The following PTPRD variants were observed in gnomAD, a reference collection of about 807,000 sequenced individuals.
PTPRD encodes receptor-type tyrosine-protein phosphatase delta.
A neutral mutation model predicts 214.5 loss-of-function variants in PTPRD; 34 were observed. That is an observed-to-expected ratio of 0.16 (90% CI 0.12 to 0.21). PTPRD has a LOEUF of 0.21. Ranked by LOEUF, PTPRD falls within the 10% of genes least tolerant of loss-of-function variation. The pLI is 1.00. For missense variants in PTPRD, 2,545 were observed against 2,398.7 expected, an observed-to-expected ratio of 1.06 and a Z score of -1.27; for synonymous variants, 1,128 against 845.7, an observed-to-expected ratio of 1.33 and a Z score of -5.79.
At chr9:9,019,272 A>G (rs951619965) in intron 10 of PTPRD, among the ~76,000 whole-genome samples, 20 of 147,682 alleles carry the variant, frequency 1.4e-4, no homozygotes, top group African/African-American at 5.0e-4. Context: ...AGAAAGAAAG[A>G]AAAAGAAAGA....
chr9:10,385,602 A>C (rs1170269101), intron 2 of PTPRD, among the ~76,000 whole-genome samples: 1 of 151,816 alleles, frequency 6.6e-6, no homozygotes, highest in Non-Finnish European at 1.5e-5. Context: ...TTTTTCTCGG[A>C]GAGTCCTGAC....
chr9:8,804,168 G>T (rs114480296), intron 11 of PTPRD, among the ~76,000 whole-genome samples: 1 of 151,974 alleles, frequency 6.6e-6, no homozygotes, highest in East Asian at 1.9e-4. Context: ...GGTCCGTCTG[G>T]TCTCGAACTC....
intron 12 of PTPRD, among the ~76,000 whole-genome samples, chr9:8,704,260 G>T (rs1268588365): frequency 6.6e-6 from 1 of 152,024 alleles, no homozygotes; most frequent in Admixed American, 6.6e-5. Flanking sequence ...TCCATCCTCT[G>T]CATCTCCCTA....
intron 11 of PTPRD, among the ~76,000 whole-genome samples, chr9:8,974,984 C>G (rs1041964299): frequency 6.6e-6 from 1 of 151,036 alleles, no homozygotes; most frequent in African/African-American, 2.4e-5. Flanking sequence ...ATATTCCTAG[C>G]TACTTGGGAG....
At chr9:10,539,806 G>C (rs1318413250) in intron 2 of PTPRD, among the ~76,000 whole-genome samples, 1 of 152,092 alleles carries the variant, frequency 6.6e-6, no homozygotes, top group Non-Finnish European at 1.5e-5. Context: ...CACAATATGA[G>C]TCATAAGAGT....
chr9:9,499,972 T>G (rs2096350870), intron 8 of PTPRD, among the ~76,000 whole-genome samples: 1 of 152,120 alleles, frequency 6.6e-6, no homozygotes, highest in Non-Finnish European at 1.5e-5. Context: ...GGAAGAGAAC[T>G]GTAAATTAAT....
At chr9:8,863,012 C>T (rs987872563) in intron 11 of PTPRD, among the ~76,000 whole-genome samples, 3 of 152,038 alleles carry the variant, frequency 2.0e-5, no homozygotes, top group Non-Finnish European at 2.9e-5. Context: ...CACATGTATA[C>T]GTATGTAACT....
At chr9:8,809,764 T>C (rs892972448) in intron 11 of PTPRD, among the ~76,000 whole-genome samples, 2 of 152,186 alleles carry the variant, frequency 1.3e-5, no homozygotes, top group Admixed American at 6.6e-5. Context: ...CATTGTATTA[T>C]CAGTTTCAGC....
In PTPRD at chr9:8,467,702, C is replaced by T. The variant is rs559470316; in HGVS notation, c.3505-2027G>A. Among the ~76,000 whole-genome samples the T allele has an allele frequency of 2.2e-4, 34 of 151,874 alleles. No homozygotes were observed. In the South Asian group the frequency reaches 6.9e-3, roughly 31 times the overall value. ...ATTGTTCTAACTCTGTGTATTTATA[C>T]ATATAATTTTTATGTATCTGCTTAC... On this transcript the variant is annotated intron_variant, in intron 31 of 45. Coordinates refer to ENST00000381196, the MANE Select transcript of PTPRD (RefSeq NM_002839.4).
intron 12 of PTPRD, chr9:8,713,720 G>C: frequency 6.6e-7 from 1 of 1,506,706 alleles, no homozygotes; most frequent in Non-Finnish European, 9.1e-7. Flanking sequence ...GCCAGCAAGT[G>C]ACGCCGGCAG....
At chr9:9,520,234 G>C (rs1176448778) in intron 8 of PTPRD, among the ~76,000 whole-genome samples, 2 of 146,996 alleles carry the variant, frequency 1.4e-5, no homozygotes, top group Non-Finnish European at 3.0e-5. Flanking sequence ...TAATTTTTTT[G>C]TATTTAAATG....
intron 2 of PTPRD, among the ~76,000 whole-genome samples, chr9:10,583,125 A>G (rs1481139126): frequency 6.6e-6 from 1 of 152,176 alleles, no homozygotes. Context: ...AGCAGTTAGA[A>G]CCTTTGTTCT....
intron 2 of PTPRD, among the ~76,000 whole-genome samples, chr9:10,360,418 G>C (rs1409597578): frequency 6.6e-6 from 1 of 152,194 alleles, no homozygotes; most frequent in Non-Finnish European, 1.5e-5. Context: ...TGCAGGGCAT[G>C]TCATTGTCTA....
intron 14 of PTPRD, among the ~76,000 whole-genome samples, chr9:8,535,576 A>G (rs1234505299): frequency 6.6e-6 from 1 of 151,918 alleles, no homozygotes; most frequent in East Asian, 1.9e-4. Flanking sequence ...TTTTCCCTAT[A>G]TCATGGCAGG....
intron 3 of PTPRD, among the ~76,000 whole-genome samples, chr9:10,286,631 ACT>A (rs1173357549): frequency 6.6e-6 from 1 of 151,636 alleles, no homozygotes; most frequent in African/African-American, 2.4e-5. Context: ...AGAGTATTGC[ACT>A]CTCTCCCGGG....
chr9:8,765,467 A>G (rs1166675854), intron 11 of PTPRD, among the ~76,000 whole-genome samples: 1 of 152,190 alleles, frequency 6.6e-6, no homozygotes, highest in Non-Finnish European at 1.5e-5. Context: ...CATGGTGAGA[A>G]AAACCAATCC....
intron 11 of PTPRD, among the ~76,000 whole-genome samples, chr9:8,735,352 C>G (rs1026505987): frequency 6.6e-6 from 1 of 151,784 alleles, no homozygotes; most frequent in African/African-American, 2.4e-5. Context: ...CCATGTTAAC[C>G]AAGCTGGTCT....
At position 9,601,142 on chromosome 9, in the gene PTPRD, TG is replaced by T. The variant is rs1563976587; in HGVS notation, c.-286-26362del. Among the ~76,000 whole-genome samples, 34 of 117,300 alleles carry T rather than the reference TG, an allele frequency of 2.9e-4. 1 individual carries two copies. Among genetic ancestry groups the T allele is most frequent in the African/African-American group, 1.1e-3 (28 of 25,818 alleles). 77.0% of individuals were successfully genotyped at this position (117,300 alleles called of 152,430 possible). A position where few individuals can be genotyped will look rare whatever the true frequency, so the allele number is the denominator to read the frequency against. On this transcript the variant is annotated intron_variant, in intron 7 of 45. Coordinates refer to ENST00000381196, the MANE Select transcript of PTPRD (RefSeq NM_002839.4). ...GTGTGTGTGTGTGTGTGTGTGTGTG[TG>T]TGTGTGTATGGGGGGGGGAGAGTGG... is the stretch of plus-strand genomic sequence containing the variant.
chr9:9,645,042 C>T (rs1402815525), intron 7 of PTPRD, among the ~76,000 whole-genome samples: 1 of 152,182 alleles, frequency 6.6e-6, no homozygotes, highest in African/African-American at 2.4e-5. Flanking sequence ...AACACTTAGC[C>T]ATCTGCAGAC....
Sources: allele counts gnomAD v4.1 joint callset (sites outside exome capture counted in the v4.1 genomes callset), GRCh38; gene constraint gnomAD v4.1.1; transcripts MANE v1.5; gene names NCBI Gene and HGNC (gene_info 2026-07-23, HGNC 2026-07-21).